The following ZNF804B variants were observed in gnomAD, a reference collection of about 807,000 sequenced individuals.
ZNF804B encodes the protein zinc finger 804B.
A neutral mutation model predicts 101.4 loss-of-function variants in ZNF804B; 80 were observed. That is an observed-to-expected ratio of 0.79 (90% confidence interval 0.66 to 0.95). The LOEUF is 0.95. Ranked by LOEUF, ZNF804B falls within the 40% of genes least tolerant of loss-of-function variation. The probability of loss-of-function intolerance (pLI) is 0.00; values close to 1 mark genes in which losing one functional copy is unlikely to be tolerated. For missense variants in ZNF804B, 1,673 were observed against 1,561.9 expected (o/e 1.07, Z -1.20); for synonymous variants, 622 against 558.8 (o/e 1.11, Z -1.59).
intron 1 of ZNF804B, among the ~76,000 whole-genome samples, chr7:88,980,879 G>T (rs73707712): frequency 0.18 from 27,555 of 151,948 alleles, 2,640 homozygotes; most frequent in Middle Eastern, 0.22. Flanking sequence ...ATTCCAGCCA[G>T]CCTATTGTCC....
intron 1 of ZNF804B, among the ~76,000 whole-genome samples, chr7:89,032,469 G>A (rs569542717): frequency 1.6e-4 from 25 of 152,216 alleles, no homozygotes; most frequent in African/African-American, 6.0e-4. Context: ...AATTTTATAT[G>A]AGATAGATAG....
intron 2 of ZNF804B, among the ~76,000 whole-genome samples, chr7:89,255,384 TAAAAC>T (rs1464435117): frequency 1.3e-5 from 2 of 152,102 alleles, no homozygotes; most frequent in African/African-American, 4.8e-5. Flanking sequence ...TTATAGTGAT[TAAAAC>T]AGAACAGTGG....
At chr7:88,937,679 A>C (rs556823766) in intron 1 of ZNF804B, among the ~76,000 whole-genome samples, 1 of 152,136 alleles carries the variant, frequency 6.6e-6, no homozygotes, top group South Asian at 2.1e-4. Context: ...AAAGAAAAAA[A>C]ATGAATTAGA....
At chr7:88,973,561 T>G (rs1391884242) in intron 1 of ZNF804B, among the ~76,000 whole-genome samples, 1 of 63,504 alleles carries the variant, frequency 1.6e-5, no homozygotes, top group Non-Finnish European at 2.7e-5. Context: ...AGTATAATCT[T>G]TTTTTTTTTA....
At chr7:89,293,750 C>T (rs1790334894) in intron 2 of ZNF804B, among the ~76,000 whole-genome samples, 2 of 151,452 alleles carry the variant, frequency 1.3e-5, no homozygotes, top group Non-Finnish European at 2.9e-5. Context: ...GATTGTGCCA[C>T]TGCACTCCAG....
chr7:89,073,448 G>T (rs1367375757), intron 1 of ZNF804B, among the ~76,000 whole-genome samples: 1 of 151,948 alleles, frequency 6.6e-6, no homozygotes, highest in Non-Finnish European at 1.5e-5. Flanking sequence ...AGAAAAGGCT[G>T]CTTATTTTTA....
intron 1 of ZNF804B, among the ~76,000 whole-genome samples, chr7:88,870,870 T>C (rs895886970): frequency 6.6e-6 from 1 of 152,202 alleles, no homozygotes; most frequent in African/African-American, 2.4e-5. Context: ...TCTATTTACT[T>C]GGAACACTTT....
intron 1 of ZNF804B, among the ~76,000 whole-genome samples, chr7:89,154,834 A>G (rs897332974): frequency 6.6e-6 from 1 of 152,072 alleles, no homozygotes; most frequent in Non-Finnish European, 1.5e-5. Flanking sequence ...ATAGTCAATA[A>G]TCAATATACA....
intron 1 of ZNF804B, among the ~76,000 whole-genome samples, chr7:88,856,367 A>G (rs1258001298): frequency 6.6e-6 from 1 of 152,186 alleles, no homozygotes; most frequent in Non-Finnish European, 1.5e-5. Flanking sequence ...TCTTTGAAGC[A>G]ACTGTGAATG....
chr7:89,179,436 A>T (rs2115576102), intron 1 of ZNF804B, among the ~76,000 whole-genome samples: 1 of 152,192 alleles, frequency 6.6e-6, no homozygotes, highest in Admixed American at 6.5e-5. Flanking sequence ...ACTCTGATGC[A>T]TTCTTCAGTA....
chr7:89,158,456 G>T (rs1379386274), intron 1 of ZNF804B, among the ~76,000 whole-genome samples: 2 of 151,798 alleles, frequency 1.3e-5, no homozygotes, highest in Non-Finnish European at 2.9e-5. Context: ...CTCTTTTCCG[G>T]TCTCAGGACC....
chr7:89,323,254 C>T (rs747336953), intron 2 of ZNF804B, among the ~76,000 whole-genome samples: 6 of 152,204 alleles, frequency 3.9e-5, no homozygotes, highest in Non-Finnish European at 8.8e-5. Context: ...TTAGCTAAGC[C>T]ACCCAGTCTG....
chr7:89,034,565 G>T (rs1788894300), intron 1 of ZNF804B, among the ~76,000 whole-genome samples: 1 of 151,834 alleles, frequency 6.6e-6, no homozygotes, highest in African/African-American at 2.4e-5. Context: ...CCATGTCCCT[G>T]CAAAAGGCAT....
chr7:88,830,001 C>T (rs1170936324), intron 1 of ZNF804B, among the ~76,000 whole-genome samples: 2 of 152,088 alleles, frequency 1.3e-5, no homozygotes, highest in Non-Finnish European at 2.9e-5. Flanking sequence ...GCTATTTTAT[C>T]CCTTGGTTTA....
At chr7:89,215,591 A>G (rs1271177147) in intron 1 of ZNF804B, among the ~76,000 whole-genome samples, 2 of 152,002 alleles carry the variant, frequency 1.3e-5, no homozygotes, top group East Asian at 3.9e-4. Flanking sequence ...AAGAAAGAAG[A>G]ACTATGATTA....
chr7:89,185,574 G>T (rs780130034), intron 1 of ZNF804B, among the ~76,000 whole-genome samples: 2 of 152,114 alleles, frequency 1.3e-5, no homozygotes, highest in African/African-American at 4.8e-5. Flanking sequence ...GAAAAGACAG[G>T]ATCTGGTCGG....
intron 1 of ZNF804B, among the ~76,000 whole-genome samples, chr7:88,921,113 A>G (rs1378977771): frequency 6.6e-6 from 1 of 152,234 alleles, no homozygotes; most frequent in Admixed American, 6.6e-5. Flanking sequence ...TCTTAAAATT[A>G]TGTTATTTCA....
At chr7:88,782,645 T>C (rs1044702528) in intron 1 of ZNF804B, among the ~76,000 whole-genome samples, 6 of 152,142 alleles carry the variant, frequency 3.9e-5, no homozygotes, top group Non-Finnish European at 7.4e-5. Context: ...TGGGAAAACA[T>C]TGCCTTATTG....
rs183816448 is a variant in ZNF804B, at chr7:89,304,114, C to G, written c.250-23230C>G. On this transcript the variant is annotated intron_variant, in intron 2 of 3. Coordinates refer to ENST00000333190, the MANE Select transcript of ZNF804B (RefSeq NM_181646.5). ...TCTGCCTCTTTGAAATGTAAACATT[C>G]TATAATCCACAAATGTCTTTCCCAA... Among the ~76,000 whole-genome samples the G allele has an allele frequency of 8.6e-5, 13 of 151,940 alleles. No individual in the cohort carries two copies. In the East Asian group the frequency reaches 2.5e-3, roughly 29 times the overall value.
Sources: gnomAD v4.1 joint callset for allele counts (sites outside exome capture counted in the v4.1 genomes callset) on GRCh38, gnomAD v4.1.1 for gene constraint, MANE v1.5 for transcripts, NCBI Gene and HGNC (gene_info 2026-07-23, HGNC 2026-07-21) for gene names.